Variants in SND1 observed in about 807,000 individuals in gnomAD.
SND1 encodes staphylococcal nuclease and tudor domain containing 1, also known as staphylococcal nuclease domain-containing protein 1.
A neutral mutation model predicts 121.7 loss-of-function variants in SND1; 38 were observed. That is an observed-to-expected ratio of 0.31 (90% confidence interval 0.24 to 0.41). The LOEUF (loss-of-function observed/expected upper bound fraction) is 0.41. SND1 is among the 10% of genes least tolerant of loss of function. The pLI is 1.00. For missense variants in SND1, 868 were observed against 1,184.6 expected (o/e 0.73, Z 3.92); for synonymous variants, 401 against 447.4 (o/e 0.90, Z 1.31).
intron 11 of SND1, among the ~76,000 whole-genome samples, chr7:127,820,224 T>G (rs1437371596): frequency 6.6e-6 from 1 of 152,230 alleles, no homozygotes; most frequent in Admixed American, 6.5e-5. Context: ...TTCTCTCATT[T>G]GAGGGCTGGT....
chr7:127,719,329 A>C (rs1796447727), intron 9 of SND1, among the ~76,000 whole-genome samples: 1 of 152,018 alleles, frequency 6.6e-6, no homozygotes, highest in South Asian at 2.1e-4. Context: ...GATGTACTCT[A>C]TTTTTTCTTT....
chr7:127,862,392 A>G (rs569999795), intron 12 of SND1, among the ~76,000 whole-genome samples: 5 of 152,250 alleles, frequency 3.3e-5, no homozygotes, highest in East Asian at 1.9e-4. Flanking sequence ...TCTTAGGACA[A>G]TTCCCCATTT....
At chr7:127,846,052 G>A (rs1354234353) in intron 12 of SND1, among the ~76,000 whole-genome samples, 1 of 152,170 alleles carries the variant, frequency 6.6e-6, no homozygotes, top group African/African-American at 2.4e-5. Flanking sequence ...ATGTGGGGTA[G>A]CTGTCTGTTC....
chr7:127,670,007 T>G (rs1256970279), intron 1 of SND1, among the ~76,000 whole-genome samples: 9 of 151,984 alleles, frequency 5.9e-5, no homozygotes, highest in African/African-American at 2.2e-4. Flanking sequence ...TAATTTTTTT[T>G]TTTTTTTGAG....
chr7:128,033,112 C>T (rs988646982), intron 16 of SND1, among the ~76,000 whole-genome samples: 27 of 152,276 alleles, frequency 1.8e-4, no homozygotes, highest in African/African-American at 6.5e-4. Flanking sequence ...CCTGTGAGCT[C>T]GCCAGCCCTT....
intron 9 of SND1, among the ~76,000 whole-genome samples, chr7:127,709,875 A>G (rs955057524): frequency 6.6e-6 from 1 of 152,210 alleles, no homozygotes; most frequent in Non-Finnish European, 1.5e-5. Context: ...TTAAAACTTG[A>G]CTTTTAAAAA....
chr7:127,829,226 C>G (rs928090098), intron 11 of SND1, among the ~76,000 whole-genome samples: 3 of 152,174 alleles, frequency 2.0e-5, no homozygotes, highest in East Asian at 1.9e-4. Flanking sequence ...CCCCCTCCCC[C>G]ACATAGTTTA....
In SND1 at chr7:127,931,639, T is replaced by C. The variant is rs368996095; in HGVS notation, c.1669+2310T>C. On this transcript the variant is annotated intron_variant, in intron 15 of 23. Transcript: ENST00000354725. ...GATGCCATTCCAGGATTTTGGTAGCTAGAGAGAAGTCAGTGCCTGCCTTCT... is the reference window on the plus strand; with the variant it reads ...GATGCCATTCCAGGATTTTGGTAGCCAGAGAGAAGTCAGTGCCTGCCTTCT... Among the ~76,000 whole-genome samples, 3 of 152,332 alleles carry C rather than the reference T, an allele frequency of 2.0e-5. No homozygotes were observed. In the East Asian group the frequency reaches 5.8e-4, roughly 29 times the overall value.
At chr7:127,922,196 T>TTTG (rs1800730476) in intron 14 of SND1, among the ~76,000 whole-genome samples, 2 of 134,684 alleles carry the variant, frequency 1.5e-5, no homozygotes, top group Admixed American at 7.6e-5. Flanking sequence ...TTTTTTTTTT[T>TTTG]TTTTTTTGTT....
intron 1 of SND1, among the ~76,000 whole-genome samples, chr7:127,664,065 G>T (rs992137105): frequency 1.3e-5 from 2 of 152,222 alleles, no homozygotes; most frequent in Admixed American, 1.3e-4. Context: ...GGTCTCTGTT[G>T]CTCAGGCTGG....
chr7:127,998,565 C>G (rs1802734194), intron 16 of SND1: 2 of 153,794 alleles, frequency 1.3e-5, no homozygotes, highest in Admixed American at 1.3e-4. Context: ...TCAACAAATT[C>G]CTGTTTGGAG....
rs1242879391 is a variant in SND1, at chr7:127,706,254, C to T, written c.948-1303C>T. On this transcript the variant is annotated intron_variant, in intron 8 of 23. Coordinates refer to ENST00000354725, the MANE Select transcript of SND1 (RefSeq NM_014390.4). ...ATTCTTTAATTTCTTGCCCCCCCTCCCCCCCCCCACCTTTTTTTTTTGAGA... is the reference window on the plus strand; with the variant it reads ...ATTCTTTAATTTCTTGCCCCCCCTCTCCCCCCCCACCTTTTTTTTTTGAGA... Among the ~76,000 whole-genome samples the T allele has an allele frequency of 4.5e-5, 3 of 66,786 alleles. No individual in the cohort carries two copies. In the East Asian group the frequency reaches 1.6e-3, roughly 35 times the overall value. The allele number at this position is 66,786 out of a possible 152,430, so 43.8% of individuals were successfully genotyped here.
At chr7:127,771,645 C>G (rs1797514547) in intron 10 of SND1, among the ~76,000 whole-genome samples, 1 of 152,072 alleles carries the variant, frequency 6.6e-6, no homozygotes, top group South Asian at 2.1e-4. Flanking sequence ...CCCCCCTATA[C>G]ACATACATAC....
intron 16 of SND1, among the ~76,000 whole-genome samples, chr7:128,007,385 C>G (rs1393863650): frequency 1.3e-5 from 2 of 152,188 alleles, no homozygotes; most frequent in Non-Finnish European, 2.9e-5. Context: ...ACAAAGGGTT[C>G]AAGGCTTGCC....
intron 18 of SND1, 117 bp from the exon 19 acceptor site, chr7:128,084,607 T>C (rs1019628236): frequency 5.3e-6 from 6 of 1,126,978 alleles, no homozygotes; most frequent in Non-Finnish European, 7.4e-6. Context: ...GAGCCAGTGC[T>C]GCAGTGCCCC....
intron 13 of SND1, among the ~76,000 whole-genome samples, chr7:127,891,090 C>G (rs527673368): frequency 6.6e-6 from 1 of 152,206 alleles, no homozygotes; most frequent in African/African-American, 2.4e-5. Context: ...AAGCCTGGTG[C>G]CATCTTCTCG....
chr7:127,951,694 T>C (rs1434734255), intron 15 of SND1, among the ~76,000 whole-genome samples: 1 of 152,178 alleles, frequency 6.6e-6, no homozygotes, highest in Non-Finnish European at 1.5e-5. Flanking sequence ...GTTGGAAATA[T>C]GAGGCTGAAT....
chr7:127,802,683 C>T (rs1054897365), intron 10 of SND1, among the ~76,000 whole-genome samples: 1 of 152,186 alleles, frequency 6.6e-6, no homozygotes, highest in Non-Finnish European at 1.5e-5. Context: ...TGGGTCCAAA[C>T]TCCATGTTTG....
chr7:128,010,415 GAA>G (rs751651408), intron 16 of SND1, among the ~76,000 whole-genome samples: 16 of 152,224 alleles, frequency 1.1e-4, no homozygotes, highest in Admixed American at 3.3e-4. Flanking sequence ...AGAGGATGAA[GAA>G]AAGAGAGCCA....
Sources: allele counts gnomAD v4.1 joint callset (sites outside exome capture counted in the v4.1 genomes callset), GRCh38; gene constraint gnomAD v4.1.1; transcripts MANE v1.5; gene names NCBI Gene and HGNC (gene_info 2026-07-23, HGNC 2026-07-21).